Variants in MAMDC2 observed in about 807,000 individuals in gnomAD.
MAMDC2 encodes the protein MAM domain-containing protein 2.
MAMDC2 carries 57 observed loss-of-function variants against 89.8 expected under a neutral mutation model. That is an observed-to-expected ratio of 0.63 (90% CI 0.51 to 0.79). MAMDC2 has a LOEUF of 0.79. Among genes scored for constraint, MAMDC2 ranks in the 30% least tolerant of loss-of-function variants. MAMDC2 has a pLI of 0.00. For synonymous variants in MAMDC2, 313 were observed against 293.4 expected, an observed-to-expected ratio of 1.07 and a Z score of -0.68; for missense variants, 800 against 820.6, an observed-to-expected ratio of 0.97 and a Z score of 0.31.
At chr9:70,113,177 C>T (rs1828557511) in intron 5 of MAMDC2, 45 bp downstream of exon 5, 1 of 1,602,152 alleles carries the variant, frequency 6.2e-7, no homozygotes, top group African/African-American at 1.3e-5. Context: ...ATAAATTTTT[C>T]TGCTGTCTCC....
intron 8 of MAMDC2, among the ~76,000 whole-genome samples, chr9:70,141,034 A>G (rs1280411685): frequency 2.0e-5 from 3 of 152,166 alleles, no homozygotes; most frequent in African/African-American, 4.8e-5. Context: ...CACTTACTCA[A>G]CACATATTTA....
chr9:70,186,660 G>A (rs1270699322), intron 11 of MAMDC2, among the ~76,000 whole-genome samples: 1 of 152,160 alleles, frequency 6.6e-6, no homozygotes, highest in African/African-American at 2.4e-5. Flanking sequence ...TGTTATAAAG[G>A]AATATCTGAG....
intron 9 of MAMDC2, among the ~76,000 whole-genome samples, chr9:70,162,265 A>G (rs1208425063): frequency 6.6e-6 from 1 of 152,216 alleles, no homozygotes; most frequent in Non-Finnish European, 1.5e-5. Context: ...CTTTTGAACT[A>G]TATAACAAAG....
intron 11 of MAMDC2, among the ~76,000 whole-genome samples, chr9:70,209,628 A>G (rs1221598245): frequency 1.3e-5 from 2 of 151,916 alleles, no homozygotes; most frequent in East Asian, 3.9e-4. Flanking sequence ...TCGTATCTCT[A>G]TCTCTTTCAG....
intron 9 of MAMDC2, among the ~76,000 whole-genome samples, chr9:70,158,638 C>T (rs2031852697): frequency 6.6e-6 from 1 of 151,742 alleles, no homozygotes; most frequent in Non-Finnish European, 1.5e-5. Flanking sequence ...TAAATACATT[C>T]AAATGTACTT....
intron 11 of MAMDC2, among the ~76,000 whole-genome samples, chr9:70,215,272 A>ATGACAAAGACTGAAAAC (rs2033423382): frequency 1.2e-5 from 1 of 84,194 alleles, no homozygotes; most frequent in Non-Finnish European, 2.7e-5. Context: ...TGTTACAAAA[A>ATGACAAAGACTGAAAAC]TGACAAAGAC....
intron 7 of MAMDC2, among the ~76,000 whole-genome samples, chr9:70,137,985 T>A (rs78598263): frequency 0.054 from 8,242 of 152,264 alleles, 247 homozygotes; most frequent in South Asian, 0.073. Context: ...TAAGTGAGGA[T>A]TTTAGGGTAT....
chr9:70,181,529 T>C (rs531767227), intron 11 of MAMDC2, among the ~76,000 whole-genome samples: 1 of 152,344 alleles, frequency 6.6e-6, no homozygotes, highest in East Asian at 1.9e-4. Flanking sequence ...CTTATTTTTC[T>C]TGAGCACTGG....
At chr9:70,174,879 C>A (rs972756339) in intron 11 of MAMDC2, among the ~76,000 whole-genome samples, 5 of 152,054 alleles carry the variant, frequency 3.3e-5, no homozygotes, top group African/African-American at 1.2e-4. Context: ...GTGCCCGCCA[C>A]CATGCTCACT....
At chr9:70,209,991 T>C (rs964708377) in intron 11 of MAMDC2, among the ~76,000 whole-genome samples, 1 of 152,240 alleles carries the variant, frequency 6.6e-6, no homozygotes, top group African/African-American at 2.4e-5. Flanking sequence ...TGCACTGTGG[T>C]CTGAGGGACA....
intron 11 of MAMDC2, among the ~76,000 whole-genome samples, chr9:70,196,730 C>T (rs1273307219): frequency 6.6e-6 from 1 of 151,970 alleles, no homozygotes; most frequent in Admixed American, 6.6e-5. Flanking sequence ...CATAAAAGTG[C>T]AAAGAAGGCA....
At position 70,055,344 on chromosome 9, in the gene MAMDC2, CTG is replaced by C. The variant is rs561813715; in HGVS notation, c.148+10650_148+10651del. On this transcript the variant is annotated intron_variant, in intron 2 of 13. Transcript: ENST00000377182. ...TTATCAGTATTTTACAGATGAGAAA[CTG>C]TGAGACACAGAGAGATTAGGATAAC... Among the ~76,000 whole-genome samples, 252 of 152,288 alleles carry C rather than the reference CTG, an allele frequency of 1.7e-3. 1 individual carries two copies. The highest frequency in any genetic ancestry group is 3.1e-3 in the Non-Finnish European group (211 of 68,026).
intron 11 of MAMDC2, among the ~76,000 whole-genome samples, chr9:70,206,786 C>T (rs1055845736): frequency 6.6e-6 from 1 of 152,142 alleles, no homozygotes; most frequent in African/African-American, 2.4e-5. Context: ...TCTCTCTCCC[C>T]ACCCCACCAC....
intron 11 of MAMDC2, among the ~76,000 whole-genome samples, chr9:70,198,841 A>C (rs1258496747): frequency 2.6e-5 from 4 of 152,268 alleles, no homozygotes; most frequent in African/African-American, 9.6e-5. Context: ...TAAATAATGA[A>C]GTTTATCTAT....
chr9:70,185,453 G>C (rs1446605195), intron 11 of MAMDC2, among the ~76,000 whole-genome samples: 1 of 152,186 alleles, frequency 6.6e-6, no homozygotes, highest in Non-Finnish European at 1.5e-5. Flanking sequence ...GTTCTCTTCA[G>C]AGCCGGCAGG....
chr9:70,046,479 C>G (rs531734176), intron 2 of MAMDC2, among the ~76,000 whole-genome samples: 2 of 152,314 alleles, frequency 1.3e-5, no homozygotes, highest in South Asian at 4.1e-4. Context: ...AAGCCAGGAG[C>G]CTTAGTTAGT....
intron 2 of MAMDC2, 93 bp from the exon 3 acceptor site, chr9:70,108,118 T>C (rs1828389509): frequency 1.6e-6 from 2 of 1,271,896 alleles, no homozygotes; most frequent in Admixed American, 2.5e-5. Flanking sequence ...TCTGCAGGTT[T>C]ATCTGCCCAG....
intron 11 of MAMDC2, among the ~76,000 whole-genome samples, chr9:70,207,950 G>A (rs1170015908): frequency 6.6e-6 from 1 of 152,052 alleles, no homozygotes; most frequent in Non-Finnish European, 1.5e-5. Flanking sequence ...GTAGATGTGT[G>A]GTATTATTTC....
chr9:70,113,752 C>CA (rs1342843575), intron 5 of MAMDC2: 1 of 152,494 alleles, frequency 6.6e-6, no homozygotes, highest in Non-Finnish European at 1.5e-5. Flanking sequence ...CCACTGCTCT[C>CA]ACCTGGACCC....
Sources: allele counts gnomAD v4.1 joint callset (sites outside exome capture counted in the v4.1 genomes callset), GRCh38; gene constraint gnomAD v4.1.1; transcripts MANE v1.5; gene names NCBI Gene and HGNC (gene_info 2026-07-23, HGNC 2026-07-21).